Variants in LNX1 observed in about 807,000 individuals in gnomAD.
LNX1 encodes the protein E3 ubiquitin-protein ligase LNX.
LNX1 carries 54 observed loss-of-function variants against 68.4 expected under a neutral mutation model. The ratio of observed to expected loss-of-function variants is 0.79; its 90% CI spans 0.63 to 0.99. The LOEUF (loss-of-function observed/expected upper bound fraction) is 0.99. Among genes scored for constraint, LNX1 ranks in the 50% least tolerant of loss-of-function variants. The pLI, the probability that LNX1 is intolerant of heterozygous loss-of-function variation, is 0.00. For synonymous variants in LNX1, 336 were observed against 350.0 expected (o/e 0.96, Z 0.45); for missense variants, 906 against 926.4 (o/e 0.98, Z 0.29).
chr4:53,525,016 G>A (rs1292045856), intron 2 of LNX1, among the ~76,000 whole-genome samples: 2 of 152,128 alleles, frequency 1.3e-5, no homozygotes, highest in Non-Finnish European at 2.9e-5. Context: ...TGATTTGGAA[G>A]CTTTCAGAAA....
At chr4:53,637,836 G>C (rs987483696) in intron 1 of LNX1, among the ~76,000 whole-genome samples, 12 of 152,122 alleles carry the variant, frequency 7.9e-5, no homozygotes, top group African/African-American at 2.9e-4. Flanking sequence ...TTAAAGACTA[G>C]GCTGCTGACG....
intron 2 of LNX1, among the ~76,000 whole-genome samples, chr4:53,566,086 C>A (rs940490337): frequency 7.3e-5 from 11 of 151,662 alleles, no homozygotes; most frequent in African/African-American, 2.7e-4. Context: ...AGGATATTAT[C>A]CAGGAGAACT....
chr4:53,596,206 G>A (rs566625275), upstream of LNX1, among the ~76,000 whole-genome samples: 2 of 152,136 alleles, frequency 1.3e-5, no homozygotes, highest in Non-Finnish European at 2.9e-5. Context: ...AATGCCATCT[G>A]GTTCTGTGTA....
chr4:53,487,737 G>A (rs1459805541), intron 6 of LNX1, among the ~76,000 whole-genome samples: 1 of 152,168 alleles, frequency 6.6e-6, no homozygotes, highest in Non-Finnish European at 1.5e-5. Context: ...AACTATATAA[G>A]CTGCTTATAG....
chr4:53,559,838 T>C lies in LNX1; in HGVS notation c.380+13785A>G, dbSNP rs569659955. On this transcript the variant is annotated intron_variant, in intron 2 of 10. Coordinates refer to ENST00000263925, the MANE Select transcript of LNX1 (RefSeq NM_001126328.3). ...AAAAAAAAAAAAAAAAATTAAAATC[T>C]TTTTCAGAGATGAGGGTCCCTCTAT... Among the ~76,000 whole-genome samples the C allele has an allele frequency of 8.0e-5, 12 of 149,718 alleles. No homozygotes were observed. In the East Asian group the frequency reaches 1.7e-3, roughly 21 times the overall value.
At chr4:53,568,580 C>CGGGTACAAGACAGGG (rs149452462) in intron 2 of LNX1, among the ~76,000 whole-genome samples, 1 of 147,082 alleles carries the variant, frequency 6.8e-6, no homozygotes, top group Non-Finnish European at 1.5e-5. Context: ...CCTTTGAAAA[C>CGGGTACAAGACAGGG]GGGCACAAGA....
At position 53,614,669 on chromosome 4, in the gene LNX1, T is replaced by A. The variant is rs187840799; in HGVS notation, c.-215+1848A>T. On this transcript the variant is annotated intron_variant, in intron 2 of 3. Coordinates refer to the LNX1 transcript ENST00000504299. ...GAAATTCTTTAGGGTCTAATAAAAG[T>A]AATAAGCAGCCAAGAATGCTAATTT... is the stretch of plus-strand genomic sequence containing the variant. Among the ~76,000 whole-genome samples, 17 of 152,350 alleles carry A rather than the reference T, an allele frequency of 1.1e-4. No homozygotes were observed. The East Asian group carries it at 2.9e-3, about 26-fold the overall frequency.
intron 1 of LNX1, among the ~76,000 whole-genome samples, chr4:53,588,764 A>G (rs1732326796): frequency 6.6e-6 from 1 of 152,156 alleles, no homozygotes; most frequent in Non-Finnish European, 1.5e-5. Flanking sequence ...AGCTAGTAGA[A>G]CAGTAGAACC....
intron 1 of LNX1, among the ~76,000 whole-genome samples, chr4:53,640,393 A>G (rs1734633970): frequency 6.6e-6 from 1 of 152,218 alleles, no homozygotes; most frequent in Admixed American, 6.5e-5. Flanking sequence ...GGACCTCTGT[A>G]TAAGCTCTGT....
chr4:53,650,766 T>A (rs1735069743), intron 1 of LNX1, among the ~76,000 whole-genome samples: 1 of 152,022 alleles, frequency 6.6e-6, no homozygotes, highest in Non-Finnish European at 1.5e-5. Flanking sequence ...TCCACCCTCA[T>A]GGTTCCAGAG....
chr4:53,633,298 C>T (rs1025014995), intron 1 of LNX1, among the ~76,000 whole-genome samples: 3 of 152,176 alleles, frequency 2.0e-5, no homozygotes, highest in South Asian at 4.1e-4. Context: ...CCCCCATCCA[C>T]GCATGGTTCT....
intron 6 of LNX1, among the ~76,000 whole-genome samples, chr4:53,491,089 A>G (rs1724645097): frequency 6.6e-6 from 1 of 152,228 alleles, no homozygotes; most frequent in South Asian, 2.1e-4. Flanking sequence ...GCAAAATGCC[A>G]TATGTAGTCA....
At chr4:53,561,026 C>T (rs1730250639) in intron 2 of LNX1, among the ~76,000 whole-genome samples, 1 of 152,150 alleles carries the variant, frequency 6.6e-6, no homozygotes, top group African/African-American at 2.4e-5. Flanking sequence ...TCAGATATCA[C>T]TGATTATCTC....
At chr4:53,514,934 AATATT>A (rs1344971985) in intron 2 of LNX1, among the ~76,000 whole-genome samples, 1 of 152,260 alleles carries the variant, frequency 6.6e-6, no homozygotes, top group Non-Finnish European at 1.5e-5. Flanking sequence ...AATTTTAAAA[AATATT>A]TAATTGAGGG....
chr4:53,642,363 T>A (rs1223508312), intron 1 of LNX1, among the ~76,000 whole-genome samples: 1 of 152,186 alleles, frequency 6.6e-6, no homozygotes, highest in East Asian at 1.9e-4. Context: ...ATACATGCTT[T>A]TGAACATATT....
chr4:53,605,021 G>T (rs1197951611), intron 2 of LNX1, among the ~76,000 whole-genome samples: 1 of 152,120 alleles, frequency 6.6e-6, no homozygotes, highest in Non-Finnish European at 1.5e-5. Flanking sequence ...CTTGGAGTCC[G>T]CATTAGCATA....
intron 6 of LNX1, among the ~76,000 whole-genome samples, chr4:53,495,293 A>G (rs536576012): frequency 6.6e-6 from 1 of 152,326 alleles, no homozygotes; most frequent in South Asian, 2.1e-4. Flanking sequence ...AAAAAATTTC[A>G]ACAGTGACCC....
chr4:53,604,201 G>A (rs559096611), intron 2 of LNX1, among the ~76,000 whole-genome samples: 16 of 152,196 alleles, frequency 1.1e-4, no homozygotes, highest in African/African-American at 3.1e-4. Context: ...AAGACAATTT[G>A]TATTACTCTT....
intron 2 of LNX1, among the ~76,000 whole-genome samples, chr4:53,529,910 C>T (rs6812114): frequency 0.78 from 118,989 of 152,028 alleles, 47,485 homozygotes; most frequent in Non-Finnish European, 0.85. Context: ...GTACAGAGAA[C>T]ACATTAACAT....
Sources: allele counts gnomAD v4.1 joint callset (sites outside exome capture counted in the v4.1 genomes callset), GRCh38; gene constraint gnomAD v4.1.1; transcripts MANE v1.5; gene names NCBI Gene and HGNC (gene_info 2026-07-23, HGNC 2026-07-21).